Variants in RABGAP1L observed in about 807,000 individuals in gnomAD.
The protein encoded by RABGAP1L is RAB GTPase activating protein 1 like.
A neutral mutation model predicts 137.7 loss-of-function variants in RABGAP1L; 63 were observed. The observed-to-expected ratio is 0.46, with a 90% CI of 0.37 to 0.56. The LOEUF is 0.56. RABGAP1L is among the 20% of genes least tolerant of loss of function. The pLI, the probability that RABGAP1L is intolerant of heterozygous loss-of-function variation, is 0.00. For missense variants in RABGAP1L, 1,095 were observed against 1,244.0 expected (o/e 0.88, Z 1.80); for synonymous variants, 431 against 433.7 (o/e 0.99, Z 0.08).
chr1:174,630,528 C>G (rs1269336487), intron 13 of RABGAP1L, among the ~76,000 whole-genome samples: 3 of 105,386 alleles, frequency 2.8e-5, no homozygotes, highest in Non-Finnish European at 5.6e-5. Flanking sequence ...GTCCTGGACT[C>G]TTTTTGGTTG....
intron 13 of RABGAP1L, among the ~76,000 whole-genome samples, chr1:174,507,583 C>T (rs1195441489): frequency 6.6e-6 from 1 of 152,028 alleles, no homozygotes; most frequent in South Asian, 2.1e-4. Flanking sequence ...ATAGCAACTT[C>T]TTTTTACCAT....
rs755421369 is a variant in RABGAP1L at position 174,807,975 on chromosome 1, A to AAC, written c.2212-3857_2212-3856insAC. On this transcript the variant is annotated intron_variant, in intron 18 of 25. Coordinates refer to ENST00000681986, the MANE Select transcript of RABGAP1L (RefSeq NM_001366446.1). ...ACAACAACAACAACAACAACAACAA[A>AAC]TTCTTTTTTTTTTTTTTTTTTGAGA... Among the ~76,000 whole-genome samples the AAC allele has an allele frequency of 2.4e-3, 195 of 80,100 alleles. 1 individual carries two copies. The highest frequency in any genetic ancestry group is 4.3e-3 in the Non-Finnish European group (143 of 33,458). 52.5% of individuals were successfully genotyped at this position (80,100 alleles called of 152,430 possible). A position where few individuals can be genotyped will look rare whatever the true frequency, so the allele number is the denominator to read the frequency against.
intron 19 of RABGAP1L, among the ~76,000 whole-genome samples, chr1:174,919,019 CT>C (rs778211199): frequency 0.33 from 44,559 of 134,602 alleles, 8,530 homozygotes; most frequent in African/African-American, 0.58. Flanking sequence ...TGTCTTTTTT[CT>C]TTTTTTTTTT....
At chr1:174,228,101 C>T (rs180978929) in intron 3 of RABGAP1L, among the ~76,000 whole-genome samples, 1 of 151,788 alleles carries the variant, frequency 6.6e-6, no homozygotes, top group Non-Finnish European at 1.5e-5. Context: ...TTATGTCTTT[C>T]ATTTTTCTTC....
intron 13 of RABGAP1L, among the ~76,000 whole-genome samples, chr1:174,416,037 C>CATATACAT (rs1553297986): frequency 0.02 from 2,579 of 126,158 alleles, 232 homozygotes; most frequent in African/African-American, 0.091. Context: ...TATATATATA[C>CATATACAT]ACACACATTT....
At chr1:174,395,516 CTG>C (rs1647727152) in intron 13 of RABGAP1L, among the ~76,000 whole-genome samples, 1 of 152,000 alleles carries the variant, frequency 6.6e-6, no homozygotes, top group African/African-American at 2.4e-5. Context: ...TTAAACACCT[CTG>C]TGATTTTTTT....
chr1:174,618,104 C>T (rs907559352), intron 13 of RABGAP1L, among the ~76,000 whole-genome samples: 29 of 152,140 alleles, frequency 1.9e-4, no homozygotes, highest in Admixed American at 7.2e-4. Context: ...GAGGGGCGCC[C>T]GCCATTGCTG....
intron 19 of RABGAP1L, among the ~76,000 whole-genome samples, chr1:174,823,524 C>G (rs1350436961): frequency 1.3e-5 from 2 of 152,118 alleles, no homozygotes; most frequent in South Asian, 2.1e-4. Flanking sequence ...TCCTCTGAAC[C>G]CTTGTTGCTT....
intron 11 of RABGAP1L, among the ~76,000 whole-genome samples, chr1:174,348,611 C>T (rs1332615661): frequency 1.4e-4 from 20 of 145,302 alleles, no homozygotes; most frequent in South Asian, 2.4e-4. Flanking sequence ...TGCGGCCTTC[C>T]GCAGTGTTTG....
intron 19 of RABGAP1L, among the ~76,000 whole-genome samples, chr1:174,947,357 G>T (rs1267077477): frequency 6.6e-6 from 1 of 151,346 alleles, no homozygotes; most frequent in Admixed American, 6.6e-5. Context: ...CAAAGTGCTG[G>T]GATTATGGGA....
At chr1:174,612,874 T>C (rs1217588063) in intron 13 of RABGAP1L, among the ~76,000 whole-genome samples, 1 of 152,060 alleles carries the variant, frequency 6.6e-6, no homozygotes, top group Non-Finnish European at 1.5e-5. Flanking sequence ...CTGATGGTAG[T>C]TTGTATTTCT....
intron 1 of RABGAP1L, among the ~76,000 whole-genome samples, chr1:174,185,893 C>G (rs897152933): frequency 6.6e-6 from 1 of 152,104 alleles, no homozygotes; most frequent in Non-Finnish European, 1.5e-5. Flanking sequence ...CCTGTAATCC[C>G]AGCACTTTGG....
intron 18 of RABGAP1L, among the ~76,000 whole-genome samples, chr1:174,789,067 A>G (rs1687664060): frequency 6.6e-6 from 1 of 152,080 alleles, no homozygotes; most frequent in Non-Finnish European, 1.5e-5. Flanking sequence ...CTGTTACATA[A>G]CATGTATTAT....
rs1431289116 is a variant in RABGAP1L, at chr1:174,239,216, A to G, written c.543-2267A>G. Among the ~76,000 whole-genome samples, 5 of 152,108 alleles carry G rather than the reference A, an allele frequency of 3.3e-5. No homozygotes were observed. In the East Asian group the frequency reaches 7.7e-4, roughly 23 times the overall value. ...CGGTACCTCAGATGGAAATGCAGAA[A>G]TCACCCGTCTTCTGCGTCGCTCACG... On this transcript the variant is annotated intron_variant, in intron 4 of 25. Coordinates refer to ENST00000681986, the MANE Select transcript of RABGAP1L (RefSeq NM_001366446.1).
At chr1:174,228,386 ACT>A (rs1558049588) in intron 3 of RABGAP1L, among the ~76,000 whole-genome samples, 1 of 151,436 alleles carries the variant, frequency 6.6e-6, no homozygotes, top group African/African-American at 2.4e-5. Context: ...TGTTTTTAAG[ACT>A]CTAGTTACAC....
chr1:174,921,618 A>G (rs1390822928), intron 19 of RABGAP1L, among the ~76,000 whole-genome samples: 1 of 152,246 alleles, frequency 6.6e-6, no homozygotes, highest in Admixed American at 6.5e-5. Flanking sequence ...AATTGTTTCA[A>G]AGTAATCCGG....
chr1:174,956,123 T>A (rs1668488962), intron 19 of RABGAP1L, among the ~76,000 whole-genome samples: 1 of 152,208 alleles, frequency 6.6e-6, no homozygotes, highest in Admixed American at 6.5e-5. Context: ...CTCATTTAAT[T>A]CTCCTGACAC....
At chr1:174,611,542 C>G (rs939689978) in intron 13 of RABGAP1L, among the ~76,000 whole-genome samples, 4 of 149,006 alleles carry the variant, frequency 2.7e-5, no homozygotes, top group African/African-American at 7.5e-5. Context: ...GATGCGGGCT[C>G]TTTTTTGGTT....
At chr1:174,813,961 A>G (rs1690128473) in intron 19 of RABGAP1L, among the ~76,000 whole-genome samples, 1 of 152,218 alleles carries the variant, frequency 6.6e-6, no homozygotes, top group African/African-American at 2.4e-5. Context: ...GTGAAAAGTT[A>G]AAGGTTTTCA....
Sources: gnomAD v4.1 joint callset for allele counts (sites outside exome capture counted in the v4.1 genomes callset) on GRCh38, gnomAD v4.1.1 for gene constraint, MANE v1.5 for transcripts, NCBI Gene and HGNC (gene_info 2026-07-23, HGNC 2026-07-21) for gene names.